The following GPC5 variants were observed in gnomAD, a reference collection of about 807,000 sequenced individuals.
GPC5 encodes the protein glypican 5.
A neutral mutation model predicts 53.9 loss-of-function variants in GPC5; 47 were observed. The ratio of observed to expected loss-of-function variants is 0.87; its 90% CI spans 0.69 to 1.11. GPC5 has a LOEUF of 1.11. Ranked by LOEUF, GPC5 falls within the 50% of genes most tolerant of loss-of-function variation. The pLI is 0.00. For synonymous variants in GPC5, 286 were observed against 263.3 expected, an observed-to-expected ratio of 1.09 and a Z score of -0.84; for missense variants, 748 against 713.1, an observed-to-expected ratio of 1.05 and a Z score of -0.56.
chr13:92,312,805 T>G (rs1376512557), intron 7 of GPC5, among the ~76,000 whole-genome samples: 1 of 152,186 alleles, frequency 6.6e-6, no homozygotes, highest in Non-Finnish European at 1.5e-5. Flanking sequence ...TTGAATTACA[T>G]TTTTGAAATT....
At chr13:92,085,719 T>C (rs538689538) in intron 6 of GPC5, among the ~76,000 whole-genome samples, 3 of 152,106 alleles carry the variant, frequency 2.0e-5, no homozygotes, top group Non-Finnish European at 2.9e-5. Context: ...TGGGGGGTGA[T>C]GGGAGACAGT....
chr13:92,526,430 A>G (rs369877865), intron 7 of GPC5, among the ~76,000 whole-genome samples: 5 of 152,194 alleles, frequency 3.3e-5, no homozygotes, highest in Admixed American at 6.5e-5. Flanking sequence ...GAAAAACAGA[A>G]ATAAGTCCAG....
intron 7 of GPC5, among the ~76,000 whole-genome samples, chr13:92,282,278 C>T (rs539105066): frequency 3.1e-4 from 47 of 151,260 alleles, no homozygotes; most frequent in African/African-American, 1.1e-3. Context: ...TGATTGGTGT[C>T]CCTGAAAGTG....
At chr13:91,925,758 A>G (rs1050969794) in intron 6 of GPC5, among the ~76,000 whole-genome samples, 1 of 152,186 alleles carries the variant, frequency 6.6e-6, no homozygotes, top group Non-Finnish European at 1.5e-5. Flanking sequence ...TATAATAAAA[A>G]GGAAAAAGAG....
intron 5 of GPC5, among the ~76,000 whole-genome samples, chr13:91,863,921 A>T (rs76302877): frequency 1.9e-3 from 293 of 152,332 alleles, no homozygotes; most frequent in African/African-American, 6.6e-3. Flanking sequence ...TGAGTTATAT[A>T]CACACATCCT....
chr13:91,603,909 C>A (rs1594318076), intron 2 of GPC5, among the ~76,000 whole-genome samples: 1 of 151,348 alleles, frequency 6.6e-6, no homozygotes, highest in Admixed American at 6.6e-5. Flanking sequence ...ATTACCCTCT[C>A]CCTTTCTAGT....
At chr13:92,690,795 C>T (rs1325704078) in intron 7 of GPC5, among the ~76,000 whole-genome samples, 2 of 68,820 alleles carry the variant, frequency 2.9e-5, no homozygotes, top group African/African-American at 5.8e-5. Flanking sequence ...AGACAGGACC[C>T]TCAGCTGCAG....
chr13:91,517,503 C>A (rs1276745058), intron 2 of GPC5, among the ~76,000 whole-genome samples: 1 of 152,160 alleles, frequency 6.6e-6, no homozygotes, highest in Non-Finnish European at 1.5e-5. Flanking sequence ...TCATTATCAG[C>A]ATTTTGGTCA....
At chr13:92,343,555 A>G (rs2139252728) in intron 7 of GPC5, among the ~76,000 whole-genome samples, 1 of 152,266 alleles carries the variant, frequency 6.6e-6, no homozygotes, top group African/African-American at 2.4e-5. Context: ...GGCTATTTAG[A>G]TATGAATCAG....
At chr13:91,673,465 G>A (rs1701938700) in intron 2 of GPC5, among the ~76,000 whole-genome samples, 1 of 152,086 alleles carries the variant, frequency 6.6e-6, no homozygotes, top group Non-Finnish European at 1.5e-5. Flanking sequence ...CATAGTTTGT[G>A]CTATGGCCCC....
At chr13:91,568,728 G>A (rs949039656) in intron 2 of GPC5, among the ~76,000 whole-genome samples, 54 of 150,802 alleles carry the variant, frequency 3.6e-4, no homozygotes, top group African/African-American at 1.1e-3. Context: ...AGCAAATCAT[G>A]TACCATATGT....
intron 7 of GPC5, among the ~76,000 whole-genome samples, chr13:92,571,002 C>T (rs564600507): frequency 6.6e-6 from 1 of 152,100 alleles, no homozygotes; most frequent in African/African-American, 2.4e-5. Context: ...AAGTTCCAGA[C>T]CCTTCTCACC....
At chr13:92,231,930 C>T (rs1404070676) in intron 7 of GPC5, among the ~76,000 whole-genome samples, 1 of 152,172 alleles carries the variant, frequency 6.6e-6, no homozygotes, top group African/African-American at 2.4e-5. Flanking sequence ...CGCGCCACTG[C>T]ATTCCAGTCT....
At chr13:91,451,457 G>A (rs1197426099) in intron 2 of GPC5, among the ~76,000 whole-genome samples, 1 of 152,032 alleles carries the variant, frequency 6.6e-6, no homozygotes, top group Admixed American at 6.6e-5. Context: ...AAGGCTGGGA[G>A]GTTAAAAATG....
chr13:91,412,080 T>C (rs1037224984), intron 1 of GPC5, among the ~76,000 whole-genome samples: 1 of 152,242 alleles, frequency 6.6e-6, no homozygotes, highest in Admixed American at 6.5e-5. Context: ...TAGGCTTCAG[T>C]TGAAAATGTG....
chr13:92,255,907 G>A (rs1258580521), intron 7 of GPC5, among the ~76,000 whole-genome samples: 10 of 152,062 alleles, frequency 6.6e-5, no homozygotes, highest in Admixed American at 6.6e-4. Flanking sequence ...TGTTTAGAAG[G>A]AAGGGAATGA....
At chr13:92,041,968 C>A (rs1232344679) in intron 6 of GPC5, among the ~76,000 whole-genome samples, 1 of 152,118 alleles carries the variant, frequency 6.6e-6, no homozygotes, top group Non-Finnish European at 1.5e-5. Flanking sequence ...TTTTCCTCCT[C>A]CCTCTGATAA....
intron 6 of GPC5, among the ~76,000 whole-genome samples, chr13:92,129,790 C>T (rs1013201114): frequency 6.6e-6 from 1 of 152,036 alleles, no homozygotes; most frequent in Non-Finnish European, 1.5e-5. Flanking sequence ...ATAATCTCAA[C>T]TGATGAGATT....
intron 3 of GPC5, among the ~76,000 whole-genome samples, chr13:91,717,028 C>G (rs2036353294): frequency 6.6e-6 from 1 of 152,140 alleles, no homozygotes; most frequent in African/African-American, 2.4e-5. Context: ...AGGACAAATC[C>G]CACCGGGGAC....
Sources: gnomAD v4.1 joint callset for allele counts (sites outside exome capture counted in the v4.1 genomes callset) on GRCh38, gnomAD v4.1.1 for gene constraint, MANE v1.5 for transcripts, NCBI Gene and HGNC (gene_info 2026-07-23, HGNC 2026-07-21) for gene names.